THEMIS: variants seen among roughly 807,000 people sequenced by gnomAD.
The protein encoded by THEMIS is thymocyte selection associated.
THEMIS carries 37 observed loss-of-function variants against 52.6 expected under a neutral mutation model. The observed-to-expected ratio is 0.70, with a 90% CI of 0.54 to 0.93. THEMIS has a LOEUF of 0.93. Ranked by LOEUF, THEMIS falls within the 40% of genes least tolerant of loss-of-function variation. THEMIS has a pLI of 0.00. For synonymous variants in THEMIS, 292 were observed against 272.7 expected (o/e 1.07, Z -0.70); for missense variants, 808 against 763.1 (o/e 1.06, Z -0.69).
At chr6:127,874,593 T>A (rs1023731465) in intron 1 of THEMIS, among the ~76,000 whole-genome samples, 1 of 152,198 alleles carries the variant, frequency 6.6e-6, no homozygotes, top group South Asian at 2.1e-4. Context: ...TATTTATTTT[T>A]AAAAATCTGC....
chr6:127,911,544 C>A (rs1781411144), intron 1 of THEMIS, among the ~76,000 whole-genome samples: 1 of 151,234 alleles, frequency 6.6e-6, no homozygotes, highest in Non-Finnish European at 1.5e-5. Flanking sequence ...TCACTGTATA[C>A]ACACACATAT....
intron 4 of THEMIS, among the ~76,000 whole-genome samples, chr6:127,798,993 A>G (rs1777430960): frequency 6.8e-6 from 1 of 147,464 alleles, no homozygotes. Context: ...CTCCGTCTCA[A>G]AAAAAAAAAA....
At chr6:127,785,279 T>G (rs1776906769) in intron 4 of THEMIS, among the ~76,000 whole-genome samples, 1 of 148,778 alleles carries the variant, frequency 6.7e-6, no homozygotes, top group African/African-American at 2.5e-5. Context: ...CCTATCTACC[T>G]GTCATCTATC....
At chr6:127,827,904 C>T (rs1209643306) in intron 3 of THEMIS, among the ~76,000 whole-genome samples, 1 of 152,138 alleles carries the variant, frequency 6.6e-6, no homozygotes, top group African/African-American at 2.4e-5. Context: ...CAAGACCCTC[C>T]ATGATTGATT....
chr6:127,744,426 C>A (rs1775313695), intron 4 of THEMIS, among the ~76,000 whole-genome samples: 2 of 151,860 alleles, frequency 1.3e-5, no homozygotes. Context: ...GGGGACAATC[C>A]ATATGTCCAT....
intron 2 of THEMIS, among the ~76,000 whole-genome samples, chr6:127,846,032 T>C (rs1055207484): frequency 3.3e-5 from 5 of 151,974 alleles, no homozygotes; most frequent in Non-Finnish European, 5.9e-5. Flanking sequence ...GTTGACAGAA[T>C]GTTCCCAAAT....
rs4897235 is a variant in THEMIS, at chr6:127,897,160, A to C, written c.91+3682T>G. ...AAACCATATACAAAAACATAAACCC[A>C]GATAGACTACAGATCTGAAGGTGAG... On this transcript the variant is annotated intron_variant, in intron 1 of 5. Transcript: ENST00000368248. 0.034 allele frequency among the ~76,000 whole-genome samples: 5,120 copies of C among 151,536 alleles called. 648 individuals are homozygous for C. The East Asian group carries it at 0.37, about 11-fold the overall frequency.
At chr6:127,717,270 T>C (rs1774201452) in intron 5 of THEMIS, among the ~76,000 whole-genome samples, 1 of 151,746 alleles carries the variant, frequency 6.6e-6, no homozygotes, top group South Asian at 2.1e-4. Context: ...TAGTCTTAAA[T>C]AACTAATTGC....
chr6:127,718,917 A>G (rs1054098168), intron 5 of THEMIS, among the ~76,000 whole-genome samples: 3 of 151,870 alleles, frequency 2.0e-5, no homozygotes, highest in African/African-American at 7.2e-5. Flanking sequence ...GACTTTATCT[A>G]GTATTTTGAC....
chr6:127,839,041 T>A (rs1778960711), intron 2 of THEMIS, among the ~76,000 whole-genome samples: 1 of 152,108 alleles, frequency 6.6e-6, no homozygotes, highest in South Asian at 2.1e-4. Context: ...ATTTTTAAAA[T>A]ATTTGCTTGA....
Position 127,813,861 on chromosome 6 carries a change from A to G in THEMIS, c.780T>C (p.Asp260=). Residue 260 remains aspartate (D), a synonymous_variant, in exon 4 of 6, where the codon GAT becomes GAC. Coordinates refer to ENST00000368248, the MANE Select transcript of THEMIS (RefSeq NM_001010923.3). ...VEVKDITDSY[D]ANWFLQLLST... Reference sequence around the variant, plus strand: ...ATAACAGCTGAAGAAACCAGTTAGCATCGTAAGAATCAGTGATGTCTTTGA... The same window carrying G: ...ATAACAGCTGAAGAAACCAGTTAGCGTCGTAAGAATCAGTGATGTCTTTGA... 2 of 1,611,546 alleles carry G rather than the reference A, an allele frequency of 1.2e-6. No individual in the cohort carries two copies. The highest frequency in any genetic ancestry group is 2.2e-5 in the East Asian group (1 of 44,866).
chr6:127,917,546 G>C (rs918322306), intron 1 of THEMIS, among the ~76,000 whole-genome samples: 3 of 152,162 alleles, frequency 2.0e-5, no homozygotes, highest in African/African-American at 4.8e-5. Flanking sequence ...AGTTCCTCTT[G>C]ATGACCATTG....
intron 2 of THEMIS, among the ~76,000 whole-genome samples, chr6:127,850,643 CA>C (rs1470589623): frequency 6.6e-6 from 1 of 151,668 alleles, no homozygotes; most frequent in African/African-American, 2.4e-5. Flanking sequence ...GAATGAAAAA[CA>C]AAATATCATA....
intron 4 of THEMIS, among the ~76,000 whole-genome samples, chr6:127,777,701 ATCTTTACGT>A (rs1389714144): frequency 1.3e-5 from 2 of 152,170 alleles, no homozygotes; most frequent in Non-Finnish European, 2.9e-5. Context: ...GTGCTCAGTT[ATCTTTACGT>A]TCTTTCAGAC....
chr6:127,770,797 T>C (rs1178422448), intron 4 of THEMIS, among the ~76,000 whole-genome samples: 1 of 152,182 alleles, frequency 6.6e-6, no homozygotes, highest in East Asian at 1.9e-4. Flanking sequence ...AAATTTTGTA[T>C]AAGGTATAAG....
At chr6:127,867,519 GGAGAA>G (rs1780020783) in intron 1 of THEMIS, among the ~76,000 whole-genome samples, 1 of 152,002 alleles carries the variant, frequency 6.6e-6, no homozygotes, top group Non-Finnish European at 1.5e-5. Flanking sequence ...AAAGAGAAAT[GGAGAA>G]GAGAAAACAT....
intron 2 of THEMIS, among the ~76,000 whole-genome samples, chr6:127,844,631 C>T (rs1371330757): frequency 4.6e-5 from 7 of 151,892 alleles, no homozygotes; most frequent in Admixed American, 3.3e-4. Context: ...TATTGAAACA[C>T]TCTCAGGCTA....
intron 4 of THEMIS, among the ~76,000 whole-genome samples, chr6:127,810,702 C>G (rs566459513): frequency 6.6e-6 from 1 of 152,090 alleles, no homozygotes; most frequent in Admixed American, 6.6e-5. Context: ...AACAGATACC[C>G]TCCAATCGTG....
At chr6:127,781,517 C>T (rs1164356452) in intron 4 of THEMIS, among the ~76,000 whole-genome samples, 1 of 152,070 alleles carries the variant, frequency 6.6e-6, no homozygotes, top group African/African-American at 2.4e-5. Flanking sequence ...TTCTCCCCTT[C>T]TTTGTGGATT....
Sources: gnomAD v4.1 joint callset for allele counts (sites outside exome capture counted in the v4.1 genomes callset) on GRCh38, gnomAD v4.1.1 for gene constraint, MANE v1.5 for transcripts, NCBI Gene and HGNC (gene_info 2026-07-23, HGNC 2026-07-21) for gene names.